ZBTB8B: variants seen among roughly 807,000 people sequenced by gnomAD.
ZBTB8B encodes zinc finger and BTB domain containing 8B.
ZBTB8B carries 17 observed loss-of-function variants against 30.3 expected under a neutral mutation model. That is an observed-to-expected ratio of 0.56 (90% confidence interval 0.38 to 0.84). The LOEUF (loss-of-function observed/expected upper bound fraction) is 0.84. ZBTB8B is among the 40% of genes least tolerant of loss of function. The pLI is 0.00. For missense variants in ZBTB8B, 515 were observed against 644.9 expected, an observed-to-expected ratio of 0.80 and a Z score of 2.18; for synonymous variants, 248 against 255.6, an observed-to-expected ratio of 0.97 and a Z score of 0.28.
rs1400959061 is a variant in ZBTB8B, at chr1:32,494,701, TTTGA to T, written c.*9287_*9290del. On this transcript the variant is annotated 3_prime_UTR_variant, in exon 4 of 4. Coordinates refer to ENST00000609129, the MANE Select transcript of ZBTB8B (RefSeq NM_001145720.2). ...TTGTCCACTTAATATGTGTTCTGTGTTTGATTGTAATGTATTCATTTTACTTATA... is the reference window on the plus strand; with the variant it reads ...TTGTCCACTTAATATGTGTTCTGTGTTTGTAATGTATTCATTTTACTTATA... 1 of 152,162 alleles carries T rather than the reference TTTGA, an allele frequency of 6.6e-6. No individual in the cohort carries two copies. The highest frequency in any genetic ancestry group is 2.4e-5 in the African/African-American group (1 of 41,450). The allele number at this position is 152,162 out of a possible 1,614,324, so 9.4% of individuals were successfully genotyped here.
intron 2 of ZBTB8B, among the ~76,000 whole-genome samples, chr1:32,479,855 T>C (rs539684275): frequency 6.6e-6 from 1 of 152,332 alleles, no homozygotes; most frequent in Non-Finnish European, 1.5e-5. Context: ...GGTGAGGGAA[T>C]AAATTGGAAA....
chr1:32,483,274 AATTAG>A (rs1643720847), intron 3 of ZBTB8B, among the ~76,000 whole-genome samples: 1 of 149,040 alleles, frequency 6.7e-6, no homozygotes, highest in Non-Finnish European at 1.5e-5. Flanking sequence ...AAAAAAAAAA[AATTAG>A]CCAGGCTTGG....
intron 2 of ZBTB8B, among the ~76,000 whole-genome samples, chr1:32,474,774 C>T (rs1643650354): frequency 6.6e-6 from 1 of 152,178 alleles, no homozygotes; most frequent in African/African-American, 2.4e-5. Context: ...GAAACTGTTA[C>T]CTAGAAGGGT....
At chr1:32,479,458 G>T (rs1643688693) in intron 2 of ZBTB8B, among the ~76,000 whole-genome samples, 1 of 152,134 alleles carries the variant, frequency 6.6e-6, no homozygotes, top group Non-Finnish European at 1.5e-5. Context: ...AGGAGGTGGA[G>T]GTTGCAGTGA....
At chr1:32,474,524 C>T (rs1643648349) in intron 2 of ZBTB8B, among the ~76,000 whole-genome samples, 1 of 150,832 alleles carries the variant, frequency 6.6e-6, no homozygotes, top group African/African-American at 2.4e-5. Context: ...CAGAGTGAGA[C>T]CTTGTCTCAA....
chr1:32,476,443 G>A (rs368015985), intron 2 of ZBTB8B, among the ~76,000 whole-genome samples: 5 of 151,900 alleles, frequency 3.3e-5, no homozygotes, highest in African/African-American at 9.7e-5. Context: ...CTCCTCCTCA[G>A]TGTGTCTCCT....
In ZBTB8B at chr1:32,495,248, CAG is replaced by C. The variant is rs1294551867; in HGVS notation, c.*9831_*9832del. ...ATGTATTCTTAGGTATTTCTTGACT[CAG>C]TGGATTTTAATCAGTCTACTGCAAA... On this transcript the variant is annotated 3_prime_UTR_variant, in exon 4 of 4. Coordinates refer to ENST00000609129, the MANE Select transcript of ZBTB8B (RefSeq NM_001145720.2). 1 of 152,170 alleles carries C rather than the reference CAG, an allele frequency of 6.6e-6. No homozygotes were observed. The highest frequency in any genetic ancestry group is 1.5e-5 in the Non-Finnish European group (1 of 68,030). 9.4% of individuals were successfully genotyped at this position (152,170 alleles called of 1,614,324 possible). A position where few individuals can be genotyped will look rare whatever the true frequency, so the allele number is the denominator to read the frequency against.
In ZBTB8B at chr1:32,485,761, C is replaced by T. The variant is rs766213117; in HGVS notation, c.*343C>T. ...CTCCAGGCTTGTTTTTATATTGATT[C>T]AGTCCTCTGCATTCCTTTGTTATCA... On this transcript the variant is annotated 3_prime_UTR_variant, in exon 4 of 4. Transcript: ENST00000609129. 95 of 241,878 alleles carry T rather than the reference C, an allele frequency of 3.9e-4. No individual in the cohort carries two copies. The highest frequency in any genetic ancestry group is 7.0e-4 in the Non-Finnish European group (87 of 123,452). 15.0% of individuals were successfully genotyped at this position (241,878 alleles called of 1,614,324 possible).
At chr1:32,475,665 G>A (rs1331862961) in intron 2 of ZBTB8B, among the ~76,000 whole-genome samples, 3 of 152,132 alleles carry the variant, frequency 2.0e-5, no homozygotes, top group Non-Finnish European at 2.9e-5. Flanking sequence ...ACACTCAGAG[G>A]TATGAGTTCA....
intron 2 of ZBTB8B, among the ~76,000 whole-genome samples, 189 bp from the exon 3 acceptor site, chr1:32,480,702 G>T (rs1006294171): frequency 6.6e-6 from 1 of 152,148 alleles, no homozygotes; most frequent in African/African-American, 2.4e-5. Context: ...CTTTATCCTG[G>T]GGCTGACTGG....
chr1:32,475,303 C>T (rs1234691807), intron 2 of ZBTB8B, among the ~76,000 whole-genome samples: 7 of 152,286 alleles, frequency 4.6e-5, no homozygotes, highest in African/African-American at 7.2e-5. Context: ...AAATGTGGGC[C>T]GGGCTCAGTC....
chr1:32,474,316 G>A (rs561244335), intron 2 of ZBTB8B, among the ~76,000 whole-genome samples: 6 of 116,044 alleles, frequency 5.2e-5, no homozygotes, highest in Admixed American at 1.2e-4. Context: ...AGACCAGCCC[G>A]GGCAAGATGG....
rs1438719459 is a variant in ZBTB8B at position 32,471,506 on chromosome 1, T to C, written c.882T>C (p.Asp294=). 2 of 1,551,710 alleles carry C rather than the reference T, an allele frequency of 1.3e-6. No homozygotes were observed. The highest frequency in any genetic ancestry group is 1.7e-6 in the Non-Finnish European group (2 of 1,147,026). ...GCAACAGCGCTGCCCCGAGCAAGGA[T>C]GATGCAGACCATCACTTTTCTAGGA... The part of the protein sequence containing the change: ...LLRNSAAPSK[D]DADHHFSRSL... Residue 294 remains aspartate (D), a synonymous_variant, in exon 2 of 4, where the codon GAT becomes GAC. Coordinates refer to ENST00000609129, the MANE Select transcript of ZBTB8B (RefSeq NM_001145720.2).
intron 2 of ZBTB8B, among the ~76,000 whole-genome samples, chr1:32,479,661 G>A (rs942816010): frequency 3.3e-5 from 5 of 152,212 alleles, no homozygotes; most frequent in South Asian, 2.1e-4. Flanking sequence ...CACAGGATCC[G>A]CAGGGCTGAC....
rs559191960 is a variant in ZBTB8B at position 32,475,491 on chromosome 1, CAGG to C, written c.991+3879_991+3881del. On this transcript the variant is annotated intron_variant, in intron 2 of 3. Transcript: ENST00000609129. Reference sequence around the variant, plus strand: ...ATCCCAGCTACTCGGGAGGCTGAGGCAGGAGAATTGCTTGAACCCGGAAGGCGG... The same window carrying C: ...ATCCCAGCTACTCGGGAGGCTGAGGCAGAATTGCTTGAACCCGGAAGGCGG... Among the ~76,000 whole-genome samples, 34 of 152,192 alleles carry C rather than the reference CAGG, an allele frequency of 2.2e-4. No individual in the cohort carries two copies. The South Asian group carries it at 7.0e-3, about 32-fold the overall frequency.
Position 32,476,451 on chromosome 1 carries a change from C to T in ZBTB8B, c.992-4440C>T, listed in dbSNP as rs1184100657. Among the ~76,000 whole-genome samples, 6 of 152,268 alleles carry T rather than the reference C, an allele frequency of 3.9e-5. No homozygotes were observed. The South Asian group carries it at 6.2e-4, about 16-fold the overall frequency. On this transcript the variant is annotated intron_variant, in intron 2 of 3. Coordinates refer to ENST00000609129, the MANE Select transcript of ZBTB8B (RefSeq NM_001145720.2). Reference sequence around the variant, plus strand: ...AATTTCACTCCTCCTCAGTGTGTCTCCTCTCCACCTCCACAACTACTGCCT... The same window carrying T: ...AATTTCACTCCTCCTCAGTGTGTCTTCTCTCCACCTCCACAACTACTGCCT...
Position 32,470,972 on chromosome 1 carries a change from A to G in ZBTB8B, c.348A>G (p.Thr116=), listed in dbSNP as rs1244323017. 17 of 1,552,146 alleles carry G rather than the reference A, an allele frequency of 1.1e-5. No individual in the cohort carries two copies. The highest frequency in any genetic ancestry group is 4.9e-5 in the East Asian group (2 of 40,944). ...QMNDVVNFCK[T]YIRSSLDICR... is the part of the protein sequence containing the mutation. Reference sequence around the variant, plus strand: ...ATGACGTGGTGAACTTCTGCAAGACATACATTAGGTCATCCCTCGACATTT... The same window carrying G: ...ATGACGTGGTGAACTTCTGCAAGACGTACATTAGGTCATCCCTCGACATTT... The change falls in exon 2 of 4, where the codon ACA becomes ACG. Residue 116 remains threonine (T), a synonymous_variant. Coordinates refer to ENST00000609129, the MANE Select transcript of ZBTB8B (RefSeq NM_001145720.2).
At position 32,470,905 on chromosome 1, in the gene ZBTB8B, A is replaced by C. The variant is rs999335701; in HGVS notation, c.281A>C (p.Asn94Thr). The C allele has an allele frequency of 6.4e-7, 1 of 1,551,996 alleles. No homozygotes were observed. The highest frequency in any genetic ancestry group is 1.4e-5 in the African/African-American group (1 of 73,036). Residue 94 changes from asparagine to threonine, a missense_variant, in exon 2 of 4, where the codon AAT (asparagine) becomes ACT (threonine). Asn to Thr is a moderately conservative substitution (Grantham distance 65, BLOSUM62 0). Coordinates refer to ENST00000609129, the MANE Select transcript of ZBTB8B (RefSeq NM_001145720.2). Reference sequence around the variant, plus strand: ...GGGAAGTTGGATTTGTGTGGGGAGAATGTGATTGAAGTGATGTCGGCTGCC... The same window carrying C: ...GGGAAGTTGGATTTGTGTGGGGAGACTGTGATTGAAGTGATGTCGGCTGCC... The part of the protein sequence containing the change: ...YSGKLDLCGE[N>T]VIEVMSAASY...
chr1:32,471,630 C>G lies in ZBTB8B; in HGVS notation c.991+15C>G. 1 of 1,540,492 alleles carries G rather than the reference C, an allele frequency of 6.5e-7. No homozygotes were observed. The highest frequency in any genetic ancestry group is 8.8e-7 in the Non-Finnish European group (1 of 1,138,462). ...AGAGGACTCAGGTGAGCTCCCTTAGCATTCATCAGCCCTGCCAGTGATTGA... is the reference window on the plus strand; with the variant it reads ...AGAGGACTCAGGTGAGCTCCCTTAGGATTCATCAGCCCTGCCAGTGATTGA... On this transcript the variant is annotated intron_variant, in intron 2 of 3. Transcript: ENST00000609129.
Sources: gnomAD v4.1 joint callset for allele counts (sites outside exome capture counted in the v4.1 genomes callset) on GRCh38, gnomAD v4.1.1 for gene constraint, MANE v1.5 for transcripts, NCBI Gene and HGNC (gene_info 2026-07-23, HGNC 2026-07-21) for gene names.